ME3: variants seen among roughly 807,000 people sequenced by gnomAD.
The protein encoded by ME3 is NADP-dependent malic enzyme, mitochondrial.
In ME3, 48 loss-of-function variants were observed where a neutral mutation model predicts 68.9. The observed-to-expected ratio is 0.70, with a 90% CI of 0.55 to 0.89. The LOEUF (loss-of-function observed/expected upper bound fraction) is 0.89. Among genes scored for constraint, ME3 ranks in the 40% least tolerant of loss-of-function variants. ME3 has a pLI of 0.00. For missense variants in ME3, 675 were observed against 797.4 expected (o/e 0.85, Z 1.85); for synonymous variants, 320 against 318.8 (o/e 1.00, Z -0.04).
chr11:86,441,716 T>C (rs1396404381), intron 14 of ME3, among the ~76,000 whole-genome samples: 1 of 152,186 alleles, frequency 6.6e-6, no homozygotes, highest in East Asian at 1.9e-4. Flanking sequence ...AGAGCTGATA[T>C]TATCCTTGCT....
chr11:86,635,970 G>A (rs576384687), intron 2 of ME3, among the ~76,000 whole-genome samples: 23 of 152,282 alleles, frequency 1.5e-4, no homozygotes, highest in African/African-American at 5.3e-4. Flanking sequence ...GTTCTTCTGG[G>A]GCTGCTTTGT....
intron 8 of ME3, among the ~76,000 whole-genome samples, chr11:86,453,260 A>T (rs1259111443): frequency 6.6e-6 from 1 of 152,166 alleles, no homozygotes; most frequent in African/African-American, 2.4e-5. Context: ...TTGACCTCCG[A>T]AAGTGCTGGG....
chr11:86,481,265 C>T (rs1048002708), intron 7 of ME3, among the ~76,000 whole-genome samples: 2 of 134,942 alleles, frequency 1.5e-5, no homozygotes, highest in Admixed American at 1.7e-4. Context: ...GTTGCCTGGG[C>T]TGGTCTTGAA....
In ME3 at chr11:86,510,815, C is replaced by T. The variant is rs150532436; in HGVS notation, c.468-1948G>A. On this transcript the variant is annotated intron_variant, in intron 4 of 14. Transcript: ENST00000543262. ...ACTGCCTACCTGATATTTCCCTGTGCATACCTCAAAGGTACTTCAAACTTA... is the reference window on the plus strand; with the variant it reads ...ACTGCCTACCTGATATTTCCCTGTGTATACCTCAAAGGTACTTCAAACTTA... 3.9e-5 allele frequency among the ~76,000 whole-genome samples: 6 copies of T among 152,294 alleles called. No individual in the cohort carries two copies. The East Asian group carries it at 1.2e-3, about 29-fold the overall frequency.
chr11:86,641,688 G>C (rs1052196610), intron 2 of ME3, among the ~76,000 whole-genome samples: 2 of 152,156 alleles, frequency 1.3e-5, no homozygotes, highest in African/African-American at 4.8e-5. Context: ...AAGACTTCTA[G>C]TCTCCCAGGG....
chr11:86,605,383 A>C lies in ME3; in HGVS notation c.184-45560T>G, dbSNP rs560947324. On this transcript the variant is annotated intron_variant, in intron 2 of 14. Transcript: ENST00000543262. ...GTGCTTCTGAGTCATGGGGACTTTG[A>C]CTTAAGAACCTGTGACCAGGTATTG... Among the ~76,000 whole-genome samples, 14 of 152,300 alleles carry C rather than the reference A, an allele frequency of 9.2e-5. No individual in the cohort carries two copies. The South Asian group carries it at 2.1e-3, about 23-fold the overall frequency.
At chr11:86,560,652 T>A (rs1957159302) in intron 2 of ME3, among the ~76,000 whole-genome samples, 1 of 151,332 alleles carries the variant, frequency 6.6e-6, no homozygotes, top group East Asian at 1.9e-4. Context: ...TCAGATTTTT[T>A]AAAGTTTTTA....
chr11:86,442,032 T>C (rs1299222543), intron 14 of ME3, among the ~76,000 whole-genome samples: 2 of 152,236 alleles, frequency 1.3e-5, no homozygotes, highest in Non-Finnish European at 2.9e-5. Flanking sequence ...GTGTGTGTGC[T>C]GTTGTACGAT....
At chr11:86,446,460 G>C in exon 13 of ME3, 1 of 1,614,202 alleles carries the variant, frequency 6.2e-7, no homozygotes, top group South Asian at 1.1e-5. Context: ...CTCTTAAAAG[G>C]ACTTCCACTG....
intron 2 of ME3, among the ~76,000 whole-genome samples, chr11:86,595,561 G>A (rs920542002): frequency 2.0e-5 from 3 of 152,136 alleles, no homozygotes; most frequent in Non-Finnish European, 2.9e-5. Context: ...GTAAGCGCGT[G>A]CCCTGGTTTG....
intron 3 of ME3, among the ~76,000 whole-genome samples, chr11:86,557,889 C>G (rs1401471765): frequency 1.3e-5 from 2 of 152,120 alleles, no homozygotes. Flanking sequence ...ATTTCCTATC[C>G]CGCCCCTCAC....
chr11:86,617,282 A>T (rs1943043010), intron 2 of ME3, among the ~76,000 whole-genome samples: 2 of 151,772 alleles, frequency 1.3e-5, no homozygotes, highest in Non-Finnish European at 2.9e-5. Flanking sequence ...TATTCCTGGC[A>T]CAAGGTAAGC....
At chr11:86,637,769 G>A (rs73526080) in intron 2 of ME3, among the ~76,000 whole-genome samples, 180 of 152,182 alleles carry the variant, frequency 1.2e-3, no homozygotes, top group African/African-American at 4.1e-3. Context: ...TGAAGAAGTT[G>A]AACTGGGAGT....
chr11:86,631,407 G>C (rs1944006441), intron 2 of ME3, among the ~76,000 whole-genome samples: 3 of 152,154 alleles, frequency 2.0e-5, no homozygotes, highest in African/African-American at 7.2e-5. Flanking sequence ...CTGCAAAACT[G>C]CCTGTAACTT....
rs1944027220 is a variant in ME3, at chr11:86,631,699, T to G, written c.183+40063A>C. Among the ~76,000 whole-genome samples the G allele has an allele frequency of 2.6e-5, 4 of 152,158 alleles. No homozygotes were observed. In the South Asian group the frequency reaches 6.2e-4, roughly 24 times the overall value. Reference sequence around the variant, plus strand: ...CAATAATAATAACAGGCATGGCACATTGGAAGCCTACGGGCTGCCAGGCAC... The same window carrying G: ...CAATAATAATAACAGGCATGGCACAGTGGAAGCCTACGGGCTGCCAGGCAC... On this transcript the variant is annotated intron_variant, in intron 2 of 14. Coordinates refer to ENST00000543262, the Ensembl canonical transcript of ME3.
chr11:86,479,103 C>A (rs539827340), intron 7 of ME3, among the ~76,000 whole-genome samples: 1 of 152,290 alleles, frequency 6.6e-6, no homozygotes, highest in African/African-American at 2.4e-5. Context: ...GGGCAGGCAC[C>A]ATCCAGTTGG....
chr11:86,618,299 C>CAAAAAAAAAAAAAAAAAAAAA (rs55824426), intron 2 of ME3, among the ~76,000 whole-genome samples: 1 of 55,934 alleles, frequency 1.8e-5, no homozygotes, highest in Non-Finnish European at 3.1e-5. Context: ...GGCTCTGTCT[C>CAAAAAAAAAAAAAAAAAAAAA]AAAAAAAAAA....
At chr11:86,495,955 C>T (rs1013927284) in intron 6 of ME3, among the ~76,000 whole-genome samples, 1 of 152,156 alleles carries the variant, frequency 6.6e-6, no homozygotes, top group South Asian at 2.1e-4. Context: ...ATAGTTTTCC[C>T]ACTTTCTTGC....
chr11:86,511,972 T>A (rs1173280772), intron 4 of ME3, among the ~76,000 whole-genome samples: 1 of 152,006 alleles, frequency 6.6e-6, no homozygotes, highest in East Asian at 1.9e-4. Context: ...TCTTATCATT[T>A]CATCCCCAAT....
Sources: allele counts gnomAD v4.1 joint callset (sites outside exome capture counted in the v4.1 genomes callset), GRCh38; gene constraint gnomAD v4.1.1; transcripts MANE v1.5; gene names NCBI Gene and HGNC (gene_info 2026-07-23, HGNC 2026-07-21).